MAP7D2: variants seen among roughly 807,000 people sequenced by gnomAD.
MAP7D2 encodes the protein MAP7 domain-containing protein 2.
Under a neutral mutation model 63.5 loss-of-function variants are expected in MAP7D2, and 33 were observed. The observed-to-expected ratio is 0.52, with a 90% CI of 0.39 to 0.70. The LOEUF (loss-of-function observed/expected upper bound fraction) is 0.70, where lower values mean the gene tolerates loss of function less well. MAP7D2 is among the 30% of genes least tolerant of loss of function. The probability of loss-of-function intolerance (pLI) is 0.00; values close to 1 mark genes in which losing one functional copy is unlikely to be tolerated. For missense variants in MAP7D2, 626 were observed against 604.0 expected, an observed-to-expected ratio of 1.04 and a Z score of -0.38; for synonymous variants, 224 against 223.7, an observed-to-expected ratio of 1.00 and a Z score of -0.01.
chrX:20,016,419 T>A, intron 10 of MAP7D2, 94 bp from the exon 11 acceptor site: 1 of 715,495 alleles, frequency 1.4e-6, no homozygotes, highest in Non-Finnish European at 2.1e-6. Flanking sequence ...ATGCTCCACA[T>A]GGTAACACAC....
intron 1 of MAP7D2, among the ~76,000 whole-genome samples, chrX:20,065,891 T>C (rs1246822652): frequency 9.1e-6 from 1 of 109,541 alleles, no homozygotes; most frequent in African/African-American, 3.4e-5. Flanking sequence ...CAGTATATTA[T>C]GTATATAATA....
intron 12 of MAP7D2, among the ~76,000 whole-genome samples, chrX:20,014,664 C>A (rs1295886614): frequency 8.9e-6 from 1 of 111,944 alleles, no homozygotes; most frequent in Non-Finnish European, 1.9e-5. Context: ...AAAACAAAAC[C>A]TGACAGAACT....
chrX:20,102,720 T>C (rs1168744065), intron 1 of MAP7D2, among the ~76,000 whole-genome samples: 1 of 88,843 alleles, frequency 1.1e-5, no homozygotes. Flanking sequence ...GCCATGGGGA[T>C]GCGGTCATGA....
chrX:20,065,230 A>C (rs934942249), intron 1 of MAP7D2, among the ~76,000 whole-genome samples: 5 of 109,909 alleles, frequency 4.5e-5, no homozygotes, highest in African/African-American at 1.7e-4. Flanking sequence ...CAAAATTTTG[A>C]ATACTGCTCA....
intron 1 of MAP7D2, 89 bp downstream of exon 1, chrX:20,116,661 G>T: frequency 9.6e-7 from 1 of 1,036,461 alleles, no homozygotes; most frequent in Non-Finnish European, 1.2e-6. Context: ...TTCCCCCCAC[G>T]CTCGAGGACC....
At chrX:20,055,200 A>G (rs769386147) in intron 4 of MAP7D2, among the ~76,000 whole-genome samples, 1 of 111,149 alleles carries the variant, frequency 9.0e-6, no homozygotes, top group East Asian at 2.8e-4. Context: ...GCCTGTATAC[A>G]AAACAGACAG....
intron 1 of MAP7D2, among the ~76,000 whole-genome samples, chrX:20,069,115 T>C (rs1386584108): frequency 2.7e-5 from 3 of 111,924 alleles, no homozygotes; most frequent in Admixed American, 9.4e-5. Flanking sequence ...CAAAAGAAAG[T>C]CTTTATGTAT....
chrX:20,066,632 G>A (rs192458147), intron 1 of MAP7D2, among the ~76,000 whole-genome samples: 9 of 111,386 alleles, frequency 8.1e-5, no homozygotes, highest in African/African-American at 2.9e-4. Flanking sequence ...CCCGCAATCT[G>A]ACTCCAAACT....
At chrX:20,105,610 G>A (rs965988794) in intron 1 of MAP7D2, among the ~76,000 whole-genome samples, 4 of 111,672 alleles carry the variant, frequency 3.6e-5, no homozygotes, top group African/African-American at 1.3e-4. Flanking sequence ...AGTACCTATT[G>A]GTCAGAATCA....
chrX:20,116,358 G>A (rs2148596510), intron 1 of MAP7D2, among the ~76,000 whole-genome samples: 1 of 112,702 alleles, frequency 8.9e-6, no homozygotes, highest in South Asian at 3.6e-4. Context: ...AACGCAGAGA[G>A]AGCGCGCGCG....
chrX:20,055,797 A>C, intron 4 of MAP7D2: 1 of 995,738 alleles, frequency 1.0e-6, no homozygotes, highest in Non-Finnish European at 1.3e-6. Flanking sequence ...CTGGCTGCTA[A>C]ACCTAGAGGA....
At position 20,008,101 on chromosome X, in the gene MAP7D2, C is replaced by A. The variant is rs1025390445; in HGVS notation, c.*324G>T. 2 of 111,993 alleles carry A rather than the reference C, an allele frequency of 1.8e-5. No individual in the cohort carries two copies. Among genetic ancestry groups the A allele is most frequent in the African/African-American group, 6.5e-5 (2 of 30,816 alleles). 9.2% of individuals were successfully genotyped at this position (111,993 alleles called of 1,213,427 possible). On this transcript the variant is annotated 3_prime_UTR_variant, in exon 17 of 17. Transcript: ENST00000379643. The stretch of plus-strand genomic sequence containing the variant: ...ATAAGAATGGTTATAAAGCGAATTG[C>A]CGAGCCAGTCACTCAGGTTATTCAG...
At chrX:20,025,328 C>T (rs2073801412) in intron 9 of MAP7D2, among the ~76,000 whole-genome samples, 1 of 112,116 alleles carries the variant, frequency 8.9e-6, no homozygotes, top group Non-Finnish European at 1.9e-5. Flanking sequence ...AGGTCACTAG[C>T]AAGTGCCACA....
At chrX:20,045,791 G>A (rs1363303748) in intron 6 of MAP7D2, among the ~76,000 whole-genome samples, 1 of 111,029 alleles carries the variant, frequency 9.0e-6, no homozygotes, top group Non-Finnish European at 1.9e-5. Context: ...AGTTATCCAT[G>A]GTATAAAACA....
chrX:20,086,693 G>A (rs2065918857), intron 1 of MAP7D2, among the ~76,000 whole-genome samples: 2 of 111,763 alleles, frequency 1.8e-5, no homozygotes, highest in South Asian at 3.8e-4. Context: ...GAGAAATAAT[G>A]ATAATGAGGA....
Position 20,116,745 on chromosome X carries a change from A to G in MAP7D2, c.130+5T>C, listed in dbSNP as rs1200531225. On this transcript the variant is annotated splice_donor_5th_base_variant and intron_variant, in intron 1 of 16. Coordinates refer to ENST00000379643, the MANE Select transcript of MAP7D2 (RefSeq NM_001168465.2). ...CGGGCGCCCGCCACACTCTGGGGAT[A>G]ATACCTTGAGGCCGGTAGTTGGGCT... The G allele has an allele frequency of 1.7e-6, 2 of 1,171,791 alleles. No individual in the cohort carries two copies. The highest frequency in any genetic ancestry group is 1.9e-5 in the South Asian group (1 of 51,577).
intron 14 of MAP7D2, 77 bp downstream of exon 14, chrX:20,012,977 G>A: frequency 1.2e-6 from 1 of 845,077 alleles, no homozygotes; most frequent in Non-Finnish European, 1.7e-6. Context: ...GGATCCATGG[G>A]TCTGTTTACC....
At chrX:20,084,622 G>A (rs1224190068) in intron 1 of MAP7D2, among the ~76,000 whole-genome samples, 2 of 97,224 alleles carry the variant, frequency 2.1e-5, no homozygotes, top group East Asian at 3.8e-4. Flanking sequence ...AGGCTGGAGT[G>A]CACTGGCACA....
chrX:20,036,319 T>G (rs2074229163), intron 8 of MAP7D2, among the ~76,000 whole-genome samples: 1 of 110,340 alleles, frequency 9.1e-6, no homozygotes, highest in African/African-American at 3.3e-5. Flanking sequence ...CTCAGCTCAC[T>G]GCAACCTCCG....
Sources: gnomAD v4.1 joint callset for allele counts (sites outside exome capture counted in the v4.1 genomes callset) on GRCh38, gnomAD v4.1.1 for gene constraint, MANE v1.5 for transcripts, NCBI Gene and HGNC (gene_info 2026-07-23, HGNC 2026-07-21) for gene names.